Variants in ZNF589 observed in about 807,000 individuals in gnomAD.
ZNF589 encodes KRAB-zinc finger protein SZF1-1.
Under a neutral mutation model 13.6 loss-of-function variants are expected in ZNF589, and 17 were observed. The ratio of observed to expected loss-of-function variants is 1.25; its 90% CI spans 0.86 to 1.88. ZNF589 has a LOEUF of 1.88. ZNF589 is among the 40% of genes most tolerant of loss of function. ZNF589 has a pLI of 0.00. For missense variants in ZNF589, 407 were observed against 434.0 expected (o/e 0.94, Z 0.55); for synonymous variants, 148 against 161.6 (o/e 0.92, Z 0.64).
Position 48,270,736 on chromosome 3 carries a change from GAAA to G in ZNF589, c.*1953_*1955del, listed in dbSNP as rs1207199874. 1 of 168,348 alleles carries G rather than the reference GAAA, an allele frequency of 5.9e-6. No individual in the cohort carries two copies. Among genetic ancestry groups the G allele is most frequent in the Non-Finnish European group, 1.3e-5 (1 of 77,256 alleles). The allele number at this position is 168,348 out of a possible 1,614,324, so 10.4% of individuals were successfully genotyped here. A position where few individuals can be genotyped will look rare whatever the true frequency, so the allele number is the denominator to read the frequency against. ...TAGGCTTGGTTTTGATGCTAGAGAG[GAAA>G]AAGGACTTGGAGAGAGAGAAGGAAT... On this transcript the variant is annotated 3_prime_UTR_variant, in exon 4 of 4. Transcript: ENST00000354698.
chr3:48,261,971 G>A (rs922277238), intron 3 of ZNF589, among the ~76,000 whole-genome samples: 3 of 152,218 alleles, frequency 2.0e-5, no homozygotes, highest in African/African-American at 7.2e-5. Context: ...TGTTAAAATT[G>A]CCTTAAAATA....
At chr3:48,252,907 C>T (rs555570275) in intron 2 of ZNF589, among the ~76,000 whole-genome samples, 13 of 152,280 alleles carry the variant, frequency 8.5e-5, no homozygotes, top group African/African-American at 2.4e-4. Flanking sequence ...TGAGCCACTG[C>T]GCCCAGCCAT....
chr3:48,247,565 G>A, intron 1 of ZNF589, 60 bp from the exon 2 acceptor site: 1 of 1,600,220 alleles, frequency 6.2e-7, no homozygotes. Context: ...GGGCTCTTGG[G>A]GATCCTCATG....
In ZNF589 at chr3:48,268,382, T is replaced by A. The variant is rs373593163; in HGVS notation, c.691T>A (p.Phe231Ile). ...ALAFNQKSNL[F>I]RQKAVTAEKS... ...AGCTTTTAACCAGAAGTCAAACCTGTTCAGACAGAAGGCAGTCACAGCAGA... is the reference window on the plus strand; with the variant it reads ...AGCTTTTAACCAGAAGTCAAACCTGATCAGACAGAAGGCAGTCACAGCAGA... The change falls in exon 4 of 4, where the codon TTC (phenylalanine) becomes ATC (isoleucine). Residue 231 changes from phenylalanine to isoleucine, a missense_variant. Phe to Ile is a conservative substitution (Grantham distance 21). Coordinates refer to ENST00000354698, the MANE Select transcript of ZNF589 (RefSeq NM_016089.3). 1.3e-4 allele frequency: 207 copies of A among 1,613,986 alleles called. No homozygotes were observed. Among genetic ancestry groups the A allele is most frequent in the Non-Finnish European group, 1.7e-4 (203 of 1,179,990 alleles).
rs1013833692 is a variant in ZNF589, at chr3:48,269,327, C to T, written c.*541C>T. 2 of 1,292,666 alleles carry T rather than the reference C, an allele frequency of 1.5e-6. No homozygotes were observed. The highest frequency in any genetic ancestry group is 1.3e-5 in the South Asian group (1 of 75,888). The allele number at this position is 1,292,666 out of a possible 1,614,324, so 80.1% of individuals were successfully genotyped here. On this transcript the variant is annotated 3_prime_UTR_variant, in exon 4 of 4. Transcript: ENST00000354698. Reference sequence around the variant, plus strand: ...TATAGCTCAGTCAACCCTCCACTACCACCGGAGTACACACTCCAAGGAAAA... The same window carrying T: ...TATAGCTCAGTCAACCCTCCACTACTACCGGAGTACACACTCCAAGGAAAA...
intron 2 of ZNF589, chr3:48,256,441 C>G (rs1281884649): frequency 3.6e-6 from 2 of 559,796 alleles, no homozygotes; most frequent in East Asian, 8.1e-5. Flanking sequence ...CCAGGGGAGG[C>G]CTTTTTTTGT....
intron 2 of ZNF589, among the ~76,000 whole-genome samples, chr3:48,251,234 T>G (rs2033834754): frequency 6.6e-6 from 1 of 152,104 alleles, no homozygotes. Flanking sequence ...CAGAGGAACC[T>G]ATACAAAGAA....
At chr3:48,263,615 C>T (rs931702843) in intron 3 of ZNF589, among the ~76,000 whole-genome samples, 2 of 152,030 alleles carry the variant, frequency 1.3e-5, no homozygotes, top group African/African-American at 2.4e-5. Flanking sequence ...AAAAAACAGG[C>T]CGGCATGGTG....
intron 2 of ZNF589, among the ~76,000 whole-genome samples, chr3:48,252,101 T>C (rs1281103474): frequency 6.6e-6 from 1 of 152,090 alleles, no homozygotes; most frequent in Non-Finnish European, 1.5e-5. Flanking sequence ...TCCATTGAAC[T>C]CTTCTCACAT....
Position 48,260,927 on chromosome 3 carries a change from C to G in ZNF589, c.211C>G (p.Leu71Val). 1.2e-6 allele frequency: 2 copies of G among 1,614,132 alleles called. No homozygotes were observed. The highest frequency in any genetic ancestry group is 1.7e-6 in the Non-Finnish European group (2 of 1,180,012). Residue 71 changes from leucine to valine, a missense_variant, in exon 3 of 4, where the codon CTG becomes GTG. Leu to Val is a conservative substitution (Grantham distance 32). Transcript: ENST00000354698. ...KEVMLENLRN[L>V]VSLAESKPEV... ...AGTGATGCTGGAAAATCTCAGGAAT[C>G]TGGTCTCATTGGGTAAGGACATGTT...
Position 48,247,694 on chromosome 3 carries a change from C to CT in ZNF589, c.96+19dup. The CT allele has an allele frequency of 6.2e-7, 1 of 1,612,068 alleles. No homozygotes were observed. Among genetic ancestry groups the CT allele is most frequent in the Non-Finnish European group, 8.5e-7 (1 of 1,178,694 alleles). ...AGATATCTGGTGAGTTGGGCCCGCC[C>CT]TTCTCTTTTCTGAAATGCTGGCTCA... On this transcript the variant is annotated intron_variant, in intron 2 of 3. Coordinates refer to ENST00000354698, the MANE Select transcript of ZNF589 (RefSeq NM_016089.3).
At chr3:48,244,095 T>G (rs1347069066) in intron 1 of ZNF589, among the ~76,000 whole-genome samples, 1 of 152,168 alleles carries the variant, frequency 6.6e-6, no homozygotes, top group African/African-American at 2.4e-5. Flanking sequence ...GAGTCAGGAC[T>G]CAGGAGGTAG....
chr3:48,266,363 C>G (rs980777651), intron 3 of ZNF589, among the ~76,000 whole-genome samples: 1 of 152,124 alleles, frequency 6.6e-6, no homozygotes, highest in Non-Finnish European at 1.5e-5. Flanking sequence ...CCCAACTGCT[C>G]CAACTCTCTC....
chr3:48,243,078 A>AT (rs1434903812), intron 1 of ZNF589, among the ~76,000 whole-genome samples: 1 of 152,060 alleles, frequency 6.6e-6, no homozygotes, highest in Non-Finnish European at 1.5e-5. Flanking sequence ...AAAAAAAAAA[A>AT]AGGAAATTTG....
intron 2 of ZNF589, among the ~76,000 whole-genome samples, chr3:48,251,777 T>A (rs2033841396): frequency 6.6e-6 from 1 of 152,078 alleles, no homozygotes; most frequent in African/African-American, 2.4e-5. Context: ...GCACAGTGGC[T>A]CATACCTGTA....
intron 2 of ZNF589, among the ~76,000 whole-genome samples, chr3:48,260,399 C>G (rs746575173): frequency 3.2e-4 from 48 of 151,772 alleles, no homozygotes; most frequent in Non-Finnish European, 6.2e-4. Context: ...GTCAGCCTCC[C>G]AAGTAGCAGA....
intron 3 of ZNF589, among the ~76,000 whole-genome samples, chr3:48,263,404 C>T (rs2106846497): frequency 6.6e-6 from 1 of 152,340 alleles, no homozygotes; most frequent in Non-Finnish European, 1.5e-5. Context: ...GCCGCCACGC[C>T]CGGCTCCTTT....
intron 1 of ZNF589, among the ~76,000 whole-genome samples, chr3:48,244,784 C>T (rs2033741919): frequency 6.6e-6 from 1 of 150,392 alleles, no homozygotes; most frequent in Admixed American, 6.6e-5. Flanking sequence ...CTGGGGAGCT[C>T]AAAAATAGAT....
chr3:48,255,441 G>A (rs1030135140), intron 2 of ZNF589, among the ~76,000 whole-genome samples: 20 of 147,882 alleles, frequency 1.4e-4, no homozygotes, highest in Admixed American at 4.8e-4. Flanking sequence ...CTCCCAAAGT[G>A]CTGATATTAC....
Sources: gnomAD v4.1 joint callset for allele counts (sites outside exome capture counted in the v4.1 genomes callset) on GRCh38, gnomAD v4.1.1 for gene constraint, MANE v1.5 for transcripts, NCBI Gene and HGNC (gene_info 2026-07-23, HGNC 2026-07-21) for gene names.